Variants in CCSER1 observed in about 807,000 individuals in gnomAD.
CCSER1 encodes the protein serine-rich coiled-coil domain-containing protein 1.
CCSER1 carries 41 observed loss-of-function variants against 82.0 expected under a neutral mutation model. The ratio of observed to expected loss-of-function variants is 0.50; its 90% CI spans 0.39 to 0.65. The LOEUF is 0.65. Ranked by LOEUF, CCSER1 falls within the 30% of genes least tolerant of loss-of-function variation. The pLI is 0.00. For missense variants in CCSER1, 1,119 were observed against 1,064.2 expected (o/e 1.05, Z -0.72); for synonymous variants, 414 against 383.9 (o/e 1.08, Z -0.92).
At chr4:90,917,608 C>G (rs1024060671) in intron 8 of CCSER1, among the ~76,000 whole-genome samples, 1 of 152,028 alleles carries the variant, frequency 6.6e-6, no homozygotes, top group African/African-American at 2.4e-5. Context: ...CACATGTATA[C>G]ATATGTAACA....
At chr4:90,460,508 A>T in intron 4 of CCSER1, among the ~76,000 whole-genome samples, 1 of 151,902 alleles carries the variant, frequency 6.6e-6, no homozygotes, top group East Asian at 1.9e-4. Flanking sequence ...GCCTGACCAA[A>T]TTTAATATTT....
chr4:90,810,112 A>T (rs1047339183), intron 7 of CCSER1, among the ~76,000 whole-genome samples: 1 of 152,104 alleles, frequency 6.6e-6, no homozygotes, highest in Admixed American at 6.5e-5. Flanking sequence ...ATTGGAAAAA[A>T]ACATGAATTT....
chr4:90,278,314 A>G (rs1050943233), intron 1 of CCSER1, among the ~76,000 whole-genome samples: 5 of 152,086 alleles, frequency 3.3e-5, no homozygotes, highest in Non-Finnish European at 7.4e-5. Flanking sequence ...CAACCCAGCA[A>G]TCCCATTACT....
intron 3 of CCSER1, among the ~76,000 whole-genome samples, chr4:90,367,845 G>A (rs1347153655): frequency 1.3e-5 from 2 of 151,660 alleles, no homozygotes; most frequent in African/African-American, 4.8e-5. Context: ...GAGCATGCTT[G>A]GGGTCCCTGA....
chr4:91,272,467 G>A (rs971316313), intron 10 of CCSER1, among the ~76,000 whole-genome samples: 1 of 152,050 alleles, frequency 6.6e-6, no homozygotes, highest in Middle Eastern at 3.2e-3. Context: ...TTGCTAATAA[G>A]TTTGAGTTTG....
chr4:91,178,476 A>G (rs1275497741), intron 10 of CCSER1, among the ~76,000 whole-genome samples: 1 of 152,160 alleles, frequency 6.6e-6, no homozygotes, highest in East Asian at 1.9e-4. Flanking sequence ...GACTTGCTTT[A>G]TGAATCTGGG....
rs192783173 is a variant in CCSER1 at position 90,783,260 on chromosome 4, A to G, written c.2011-32502A>G. 1.8e-3 allele frequency among the ~76,000 whole-genome samples: 276 copies of G among 152,294 alleles called. 1 individual carries two copies. The highest frequency in any genetic ancestry group is 6.4e-3 in the African/African-American group (264 of 41,562). On this transcript the variant is annotated intron_variant, in intron 7 of 10. Coordinates refer to ENST00000509176, the MANE Select transcript of CCSER1 (RefSeq NM_001145065.2). ...TAAGAAAAATTTGAACAAACTGAAA[A>G]TCAACAATATTTCTTGGGCTCATCA... is the stretch of plus-strand genomic sequence containing the variant.
chr4:90,917,667 T>A (rs6837261), intron 8 of CCSER1, among the ~76,000 whole-genome samples: 81,293 of 151,588 alleles, frequency 0.54, 23,527 homozygotes, highest in African/African-American at 0.77. Flanking sequence ...TATAATTTTT[T>A]AAAAAAGATC....
intron 10 of CCSER1, among the ~76,000 whole-genome samples, chr4:91,311,184 A>G (rs1348029204): frequency 6.6e-6 from 1 of 151,972 alleles, no homozygotes; most frequent in Non-Finnish European, 1.5e-5. Context: ...GGCAATATGT[A>G]TCCCTGGCTA....
chr4:91,446,108 T>A (rs1364051351), intron 10 of CCSER1, among the ~76,000 whole-genome samples: 1 of 152,136 alleles, frequency 6.6e-6, no homozygotes, highest in Non-Finnish European at 1.5e-5. Flanking sequence ...TTATTGTGTA[T>A]TGTTTTAATG....
intron 10 of CCSER1, among the ~76,000 whole-genome samples, chr4:91,091,141 C>T (rs1156967107): frequency 6.6e-6 from 1 of 152,178 alleles, no homozygotes; most frequent in Admixed American, 6.5e-5. Flanking sequence ...ACATCCTGCT[C>T]CTAGCTTATT....
At chr4:90,479,692 C>A (rs1478119088) in intron 5 of CCSER1, among the ~76,000 whole-genome samples, 1 of 152,150 alleles carries the variant, frequency 6.6e-6, no homozygotes, top group African/African-American at 2.4e-5. Context: ...CATGTCCCTA[C>A]AAAGGACATG....
At chr4:90,781,394 CT>C in intron 7 of CCSER1, 8 of 985,448 alleles carry the variant, frequency 8.1e-6, no homozygotes, top group Non-Finnish European at 8.4e-6. Flanking sequence ...CTTTGAGCCC[CT>C]GTCCCATAAA....
At chr4:90,721,992 A>C (rs1217794273) in intron 6 of CCSER1, among the ~76,000 whole-genome samples, 1 of 151,754 alleles carries the variant, frequency 6.6e-6, no homozygotes, top group Non-Finnish European at 1.5e-5. Context: ...ACATTCAAAG[A>C]ATCAGTGTTA....
At chr4:90,849,472 T>C (rs1406832683) in intron 8 of CCSER1, among the ~76,000 whole-genome samples, 1 of 151,678 alleles carries the variant, frequency 6.6e-6, no homozygotes, top group East Asian at 1.9e-4. Context: ...GTTGGGAAAA[T>C]TTGCAGGCTG....
At chr4:91,292,256 GAA>G (rs1404057956) in intron 10 of CCSER1, among the ~76,000 whole-genome samples, 3 of 151,900 alleles carry the variant, frequency 2.0e-5, no homozygotes, top group Non-Finnish European at 2.9e-5. Flanking sequence ...TGCAGTGTGT[GAA>G]AAAGACAGTG....
At chr4:90,903,985 T>C (rs1470656346) in intron 8 of CCSER1, among the ~76,000 whole-genome samples, 1 of 151,720 alleles carries the variant, frequency 6.6e-6, no homozygotes, top group Non-Finnish European at 1.5e-5. Flanking sequence ...GAAAAATTAA[T>C]AATTTTTTTT....
At chr4:91,270,919 T>C (rs1270280037) in intron 10 of CCSER1, among the ~76,000 whole-genome samples, 1 of 152,236 alleles carries the variant, frequency 6.6e-6, no homozygotes, top group East Asian at 1.9e-4. Flanking sequence ...ATGATATTCA[T>C]GAACTACAGG....
chr4:91,016,153 T>G (rs984541642), intron 9 of CCSER1, among the ~76,000 whole-genome samples: 3 of 152,036 alleles, frequency 2.0e-5, no homozygotes, highest in Admixed American at 6.6e-5. Flanking sequence ...TGTCACTGCA[T>G]TTTTATTTGA....
Sources: gnomAD v4.1 joint callset for allele counts (sites outside exome capture counted in the v4.1 genomes callset) on GRCh38, gnomAD v4.1.1 for gene constraint, MANE v1.5 for transcripts, NCBI Gene and HGNC (gene_info 2026-07-23, HGNC 2026-07-21) for gene names.